Variants in TMEM98 observed in about 807,000 individuals in gnomAD.
The protein encoded by TMEM98 is transmembrane protein 98.
A neutral mutation model predicts 25.0 loss-of-function variants in TMEM98; 18 were observed. The ratio of observed to expected loss-of-function variants is 0.72; its 90% CI spans 0.50 to 1.07. The LOEUF is 1.07. Ranked by LOEUF, TMEM98 falls within the 50% of genes least tolerant of loss-of-function variation. The pLI, the probability that TMEM98 is intolerant of heterozygous loss-of-function variation, is 0.00. For missense variants in TMEM98, 241 were observed against 289.0 expected (o/e 0.83, Z 1.20); for synonymous variants, 103 against 112.4 (o/e 0.92, Z 0.53).
At chr17:32,929,565 C>G (rs1440433462) in intron 1 of TMEM98, among the ~76,000 whole-genome samples, 1 of 152,158 alleles carries the variant, frequency 6.6e-6, no homozygotes, top group Non-Finnish European at 1.5e-5. Context: ...GAAACACACA[C>G]GTAGAGAAAC....
rs926081930 is a variant in TMEM98, at chr17:32,943,072, G to A, written c.*2079G>A. On this transcript the variant is annotated 3_prime_UTR_variant, in exon 8 of 8. Transcript: ENST00000579849. ...CACCCCTGAAGCAATGCCCAATGTC[G>A]ATTACCTTCTCTGAGTCCTGGCAAG... 6.6e-6 allele frequency: 1 copy of A among 152,220 alleles called. No homozygotes were observed. Among genetic ancestry groups the A allele is most frequent in the Non-Finnish European group, 1.5e-5 (1 of 68,124 alleles). 9.4% of individuals were successfully genotyped at this position (152,220 alleles called of 1,614,324 possible).
chr17:32,931,204 A>T lies in TMEM98; in HGVS notation c.-130-123A>T, dbSNP rs115820353. The T allele has an allele frequency of 4.4e-3, 1,053 of 238,980 alleles. 10 individuals carry two copies. The highest frequency in any genetic ancestry group is 0.022 in the African/African-American group (944 of 43,384). 14.8% of individuals were successfully genotyped at this position (238,980 alleles called of 1,614,324 possible). ...GGGTGACAGAGCTAGACTCCATCTT[A>T]AAAAAACAAACAAACACAAACAAAC... On this transcript the variant is annotated intron_variant, in intron 1 of 7. Transcript: ENST00000579849.
intron 3 of TMEM98, among the ~76,000 whole-genome samples, 155 bp downstream of exon 3, chr17:32,931,814 AGAATGT>A (rs1240684042): frequency 2.0e-5 from 3 of 152,196 alleles, no homozygotes; most frequent in Non-Finnish European, 2.9e-5. Context: ...TCAGAGTTTA[AGAATGT>A]TCCTTAAGCC....
At chr17:32,940,715 ATCTATTT>A in intron 7 of TMEM98, 64 bp from the exon 8 acceptor site, 1 of 1,436,962 alleles carries the variant, frequency 7.0e-7, no homozygotes, top group African/African-American at 1.4e-5. Flanking sequence ...CAAAAAGTCT[ATCTATTT>A]GGGCTTTTGT....
chr17:32,938,832 T>G (rs1427663549), intron 6 of TMEM98, among the ~76,000 whole-genome samples: 1 of 152,244 alleles, frequency 6.6e-6, no homozygotes. Context: ...AGCTTTTGTT[T>G]ATCTATTTTT....
At chr17:32,939,162 T>C (rs1269576919) in intron 6 of TMEM98, among the ~76,000 whole-genome samples, 1 of 151,982 alleles carries the variant, frequency 6.6e-6, no homozygotes, top group Non-Finnish European at 1.5e-5. Context: ...ATCCCAGCAC[T>C]ATGGAAGGCT....
At chr17:32,929,836 C>T (rs1017155110) in intron 1 of TMEM98, among the ~76,000 whole-genome samples, 2 of 152,126 alleles carry the variant, frequency 1.3e-5, no homozygotes, top group African/African-American at 4.8e-5. Context: ...GTGTCAGTTC[C>T]CAGAAAGTGT....
chr17:32,932,348 G>A (rs879536247), intron 3 of TMEM98, among the ~76,000 whole-genome samples: 22 of 152,028 alleles, frequency 1.4e-4, no homozygotes, highest in Non-Finnish European at 3.1e-4. Flanking sequence ...TGATCCACCC[G>A]CCTCAGCTTC....
intron 3 of TMEM98, among the ~76,000 whole-genome samples, chr17:32,932,406 A>T (rs2091474789): frequency 6.6e-6 from 1 of 152,160 alleles, no homozygotes. Context: ...TGGCCTGCCC[A>T]GCAGATTTCT....
At chr17:32,930,904 T>G (rs1438796423) in intron 1 of TMEM98, 4 of 152,160 alleles carry the variant, frequency 2.6e-5, no homozygotes, top group African/African-American at 7.2e-5. Context: ...GTCTAGGGTT[T>G]AAAAAGCTAT....
At chr17:32,929,788 C>T (rs1272319389) in intron 1 of TMEM98, among the ~76,000 whole-genome samples, 1 of 152,148 alleles carries the variant, frequency 6.6e-6, no homozygotes, top group Non-Finnish European at 1.5e-5. Context: ...CCTGCTCATC[C>T]TTCAAAACCC....
chr17:32,940,523 A>G (rs1170571254), intron 7 of TMEM98, among the ~76,000 whole-genome samples: 1 of 152,182 alleles, frequency 6.6e-6, no homozygotes, highest in Non-Finnish European at 1.5e-5. Context: ...TAAGCTTGTG[A>G]GAGACAGCCT....
At chr17:32,937,384 C>T (rs1243047152) in intron 6 of TMEM98, among the ~76,000 whole-genome samples, 1 of 152,168 alleles carries the variant, frequency 6.6e-6, no homozygotes, top group Non-Finnish European at 1.5e-5. Context: ...AATACACGAC[C>T]TGGTCAGCTT....
intron 4 of TMEM98, among the ~76,000 whole-genome samples, chr17:32,934,073 G>A (rs1333874961): frequency 6.6e-6 from 1 of 152,210 alleles, no homozygotes; most frequent in African/African-American, 2.4e-5. Context: ...AGTGGAGCTT[G>A]CTGGAAGAGT....
At chr17:32,937,479 C>T (rs1297121686) in intron 6 of TMEM98, among the ~76,000 whole-genome samples, 1 of 152,170 alleles carries the variant, frequency 6.6e-6, no homozygotes, top group Non-Finnish European at 1.5e-5. Flanking sequence ...AGTTCCCTGC[C>T]TTCTCTGGAA....
Position 32,941,234 on chromosome 17 carries a change from G to A in TMEM98, c.*241G>A, listed in dbSNP as rs974059160. Reference sequence around the variant, plus strand: ...GAGATGCCATTCACTCTCTGCAAGAGGAGTATTGAAAACTGGTGGACTGTC... The same window carrying A: ...GAGATGCCATTCACTCTCTGCAAGAAGAGTATTGAAAACTGGTGGACTGTC... On this transcript the variant is annotated 3_prime_UTR_variant, in exon 8 of 8. Coordinates refer to ENST00000579849, the MANE Select transcript of TMEM98 (RefSeq NM_015544.3). 3 of 386,974 alleles carry A rather than the reference G, an allele frequency of 7.8e-6. No homozygotes were observed. Among genetic ancestry groups the A allele is most frequent in the African/African-American group, 6.1e-5 (3 of 49,204 alleles). The allele number at this position is 386,974 out of a possible 1,614,324, so 24.0% of individuals were successfully genotyped here.
chr17:32,937,353 C>G (rs943894450), intron 6 of TMEM98, among the ~76,000 whole-genome samples: 3 of 152,198 alleles, frequency 2.0e-5, no homozygotes, highest in Non-Finnish European at 2.9e-5. Flanking sequence ...TCCTGAGTTG[C>G]CACGTGAGTT....
intron 7 of TMEM98, 36 bp downstream of exon 7, chr17:32,939,572 T>C (rs779621101): frequency 6.2e-7 from 1 of 1,612,824 alleles, no homozygotes; most frequent in African/African-American, 1.3e-5. Flanking sequence ...CGGTTTTTCA[T>C]GCAGAGGTCC....
intron 1 of TMEM98, among the ~76,000 whole-genome samples, chr17:32,928,496 C>A (rs867037022): frequency 4.0e-5 from 6 of 151,252 alleles, no homozygotes; most frequent in Middle Eastern, 3.4e-3. Flanking sequence ...TGGACGAGCA[C>A]GGGGAAGCGG....
Sources: gnomAD v4.1 joint callset for allele counts (sites outside exome capture counted in the v4.1 genomes callset) on GRCh38, gnomAD v4.1.1 for gene constraint, MANE v1.5 for transcripts, NCBI Gene and HGNC (gene_info 2026-07-23, HGNC 2026-07-21) for gene names.